RALY: variants seen among roughly 807,000 people sequenced by gnomAD.
RALY encodes RNA-binding protein Raly.
Under a neutral mutation model 30.7 loss-of-function variants are expected in RALY, and 15 were observed. The observed-to-expected ratio is 0.49, with a 90% CI of 0.33 to 0.75. RALY has a LOEUF of 0.75. Ranked by LOEUF, RALY falls within the 30% of genes least tolerant of loss-of-function variation. RALY has a pLI of 0.02. For missense variants in RALY, 339 were observed against 414.3 expected (o/e 0.82, Z 1.58); for synonymous variants, 177 against 170.8 (o/e 1.04, Z -0.28).
rs935732609 is a variant in RALY, at chr20:34,072,069, G to A, written c.-6G>A. ...CACCGAGGCTCTTTTTCTTCAGGTG[G>A]GCACCATGTCCTTGAAGCTTCAGGC... is the stretch of plus-strand genomic sequence containing the variant. On this transcript the variant is annotated 5_prime_UTR_variant, in exon 3 of 10. Transcript: ENST00000246194. 2 of 1,613,522 alleles carry A rather than the reference G, an allele frequency of 1.2e-6. No individual in the cohort carries two copies. The highest frequency in any genetic ancestry group is 1.3e-5 in the African/African-American group (1 of 75,016).
intron 2 of RALY, among the ~76,000 whole-genome samples, chr20:34,043,249 C>T (rs1260573002): frequency 6.6e-6 from 1 of 152,236 alleles, no homozygotes; most frequent in African/African-American, 2.4e-5. Flanking sequence ...TCAGGACCAT[C>T]TTGGATGCAA....
At chr20:34,047,184 A>G (rs2032911589) in intron 2 of RALY, among the ~76,000 whole-genome samples, 1 of 152,164 alleles carries the variant, frequency 6.6e-6, no homozygotes, top group Non-Finnish European at 1.5e-5. Flanking sequence ...TTACATTTGG[A>G]AACCTGACTT....
chr20:34,053,383 A>ATTTTTTTTTTTTTTT lies in RALY; in HGVS notation c.-9-18665_-9-18651dup, dbSNP rs60912814. ...GCCAACATTTAGTAGATGTTCAATA[A>ATTTTTTTTTTTTTTT]TTTTTTTTTTTTTTTTTTTTTTTTT... On this transcript the variant is annotated intron_variant, in intron 2 of 9. Coordinates refer to ENST00000246194, the MANE Select transcript of RALY (RefSeq NM_016732.3). Among the ~76,000 whole-genome samples, 24 of 54,140 alleles carry ATTTTTTTTTTTTTTT rather than the reference A, an allele frequency of 4.4e-4. 3 individuals carry two copies. The highest frequency in any genetic ancestry group is 2.1e-3 in the East Asian group (3 of 1,400). 35.5% of individuals were successfully genotyped at this position (54,140 alleles called of 152,430 possible). A position where few individuals can be genotyped will look rare whatever the true frequency, so the allele number is the denominator to read the frequency against.
chr20:34,021,864 TTTA>T (rs1052053819), intron 1 of RALY, among the ~76,000 whole-genome samples: 5 of 151,584 alleles, frequency 3.3e-5, no homozygotes, highest in Admixed American at 2.0e-4. Flanking sequence ...TTTAAATTTT[TTTA>T]TTATTAAAAA....
intron 2 of RALY, among the ~76,000 whole-genome samples, chr20:34,068,405 A>G (rs2033637710): frequency 1.3e-5 from 2 of 152,338 alleles, no homozygotes; most frequent in South Asian, 4.1e-4. Context: ...TGGTTGAAAG[A>G]TTAGAAAATG....
At chr20:34,034,690 T>C (rs1336289800) in intron 2 of RALY, among the ~76,000 whole-genome samples, 2 of 152,264 alleles carry the variant, frequency 1.3e-5, no homozygotes, top group Non-Finnish European at 2.9e-5. Flanking sequence ...ACAGTGCTAA[T>C]TTATTCTTAT....
intron 4 of RALY, 28 bp from the exon 5 acceptor site, chr20:34,073,791 T>C (rs555128693): frequency 6.2e-7 from 1 of 1,613,122 alleles, no homozygotes; most frequent in Admixed American, 1.7e-5. Context: ...GTCCCTAAGC[T>C]CCAGCCCTCT....
chr20:34,021,483 A>G (rs181456475), intron 1 of RALY, among the ~76,000 whole-genome samples: 2 of 152,288 alleles, frequency 1.3e-5, no homozygotes, highest in Non-Finnish European at 2.9e-5. Flanking sequence ...CACTTTTATA[A>G]TAAACCCACT....
Position 34,078,501 on chromosome 20 carries a change from T to A in RALY, c.877-4T>A. On this transcript the variant is annotated splice_polypyrimidine_tract_variant and splice_region_variant and intron_variant, in intron 8 of 9. Transcript: ENST00000246194. ...TGTGGTCTCTCTTACCTCCTCCCTA[T>A]CAGGAACACAGCCAGGACACAGACG... 1 of 1,582,074 alleles carries A rather than the reference T, an allele frequency of 6.3e-7. No individual in the cohort carries two copies. Among genetic ancestry groups the A allele is most frequent in the Non-Finnish European group, 8.6e-7 (1 of 1,163,916 alleles).
At chr20:34,023,361 G>A (rs971517086) in intron 1 of RALY, among the ~76,000 whole-genome samples, 5 of 152,254 alleles carry the variant, frequency 3.3e-5, no homozygotes, top group African/African-American at 7.2e-5. Context: ...GCAAGTGAAC[G>A]GTGGTCAAAG....
chr20:34,049,565 C>T (rs1214549309), intron 2 of RALY, among the ~76,000 whole-genome samples: 1 of 152,184 alleles, frequency 6.6e-6, no homozygotes, highest in African/African-American at 2.4e-5. Flanking sequence ...ATGATCTCAC[C>T]TGTCAAATGG....
At chr20:34,021,254 T>C (rs2031808488) in intron 1 of RALY, among the ~76,000 whole-genome samples, 1 of 152,152 alleles carries the variant, frequency 6.6e-6, no homozygotes, top group Non-Finnish European at 1.5e-5. Context: ...TGAGCCACTG[T>C]GCCAGGCTGA....
intron 4 of RALY, 86 bp from the exon 5 acceptor site, chr20:34,073,733 G>C: frequency 6.5e-7 from 1 of 1,549,160 alleles, no homozygotes; most frequent in Non-Finnish European, 8.9e-7. Flanking sequence ...TCTAGAACTT[G>C]GGGAGGTGTC....
chr20:34,054,671 C>G (rs148320782), intron 2 of RALY, among the ~76,000 whole-genome samples: 71 of 152,184 alleles, frequency 4.7e-4, no homozygotes, highest in African/African-American at 1.6e-3. Context: ...ACTAAAAATA[C>G]AAAAATTAGC....
intron 1 of RALY, among the ~76,000 whole-genome samples, chr20:34,026,345 G>T (rs2123074242): frequency 6.6e-6 from 1 of 151,754 alleles, no homozygotes; most frequent in South Asian, 2.1e-4. Flanking sequence ...GAAGGAAAAA[G>T]ATCTTTTCCA....
intron 5 of RALY, among the ~76,000 whole-genome samples, chr20:34,074,080 A>G (rs1483068191): frequency 6.6e-6 from 1 of 152,224 alleles, no homozygotes; most frequent in African/African-American, 2.4e-5. Flanking sequence ...ACTGTCTGCC[A>G]TGCTAACTGC....
intron 3 of RALY, 90 bp from the exon 4 acceptor site, chr20:34,073,473 C>T: frequency 8.2e-7 from 1 of 1,219,408 alleles, no homozygotes; most frequent in Middle Eastern, 2.0e-4. Context: ...ACCGTGTAAG[C>T]ACATGAATTG....
In RALY at chr20:33,999,789, C is replaced by T. The variant is rs116214243; in HGVS notation, c.-93+5658C>T. On this transcript the variant is annotated intron_variant, in intron 1 of 9. Transcript: ENST00000246194. ...GGGTAGGACAGGATGGAGAGGGACC[C>T]GGAAGGGTTTCTATTAGGGATAGGA... Among the ~76,000 whole-genome samples, 472 of 151,442 alleles carry T rather than the reference C, an allele frequency of 3.1e-3. 1 individual carries two copies. The highest frequency in any genetic ancestry group is 0.011 in the African/African-American group (454 of 41,274).
intron 1 of RALY, among the ~76,000 whole-genome samples, chr20:34,019,884 A>G (rs1415051569): frequency 6.6e-6 from 1 of 151,750 alleles, no homozygotes; most frequent in Non-Finnish European, 1.5e-5. Flanking sequence ...AAACGGTGAA[A>G]CCCCGTCTCT....
Sources: allele counts gnomAD v4.1 joint callset (sites outside exome capture counted in the v4.1 genomes callset), GRCh38; gene constraint gnomAD v4.1.1; transcripts MANE v1.5; gene names NCBI Gene and HGNC (gene_info 2026-07-23, HGNC 2026-07-21).